MIPOL1: variants seen among roughly 807,000 people sequenced by gnomAD.
MIPOL1 encodes the protein mirror-image polydactyly gene 1 protein.
In MIPOL1, 57 loss-of-function variants were observed where a neutral mutation model predicts 60.9. The ratio of observed to expected loss-of-function variants is 0.94; its 90% confidence interval spans 0.76 to 1.17. MIPOL1 has a LOEUF of 1.17. MIPOL1 is among the 50% of genes most tolerant of loss of function. The probability of loss-of-function intolerance (pLI) is 0.00; values close to 1 mark genes in which losing one functional copy is unlikely to be tolerated. For missense variants in MIPOL1, 551 were observed against 511.6 expected (o/e 1.08, Z -0.74); for synonymous variants, 179 against 168.8 (o/e 1.06, Z -0.47).
At chr14:37,515,047 C>T (rs1387491685) in intron 12 of MIPOL1, among the ~76,000 whole-genome samples, 3 of 152,058 alleles carry the variant, frequency 2.0e-5, no homozygotes, top group East Asian at 1.9e-4. Context: ...CATATTTGCC[C>T]ATTGGTAAAT....
chr14:37,532,205 G>T (rs1005622621), intron 12 of MIPOL1, among the ~76,000 whole-genome samples: 2 of 152,120 alleles, frequency 1.3e-5, no homozygotes, highest in African/African-American at 4.8e-5. Flanking sequence ...CACATGAAAA[G>T]TCCATCTCTG....
chr14:37,296,966 T>C (rs1476704699), intron 7 of MIPOL1, among the ~76,000 whole-genome samples: 1 of 152,142 alleles, frequency 6.6e-6, no homozygotes, highest in African/African-American at 2.4e-5. Context: ...GAGGCCAGCA[T>C]CATTCTGATA....
chr14:37,466,905 C>A (rs1012624051), intron 11 of MIPOL1, among the ~76,000 whole-genome samples: 2 of 152,164 alleles, frequency 1.3e-5, no homozygotes, highest in Admixed American at 1.3e-4. Flanking sequence ...CGCTTTCTCC[C>A]CAGTGATTGC....
At chr14:37,476,109 T>A (rs1368534673) in intron 11 of MIPOL1, among the ~76,000 whole-genome samples, 1 of 152,196 alleles carries the variant, frequency 6.6e-6, no homozygotes, top group Non-Finnish European at 1.5e-5. Flanking sequence ...CTCATATAGA[T>A]CTTGTAAATA....
intron 1 of MIPOL1, among the ~76,000 whole-genome samples, chr14:37,209,123 A>C (rs1188642371): frequency 1.3e-5 from 2 of 152,178 alleles, no homozygotes; most frequent in African/African-American, 4.8e-5. Context: ...CTAGGAACTA[A>C]TCCAGAGCTG....
chr14:37,369,635 G>T lies in MIPOL1; in HGVS notation c.936+11G>T, dbSNP rs749417995. 1 of 1,603,156 alleles carries T rather than the reference G, an allele frequency of 6.2e-7. No homozygotes were observed. The highest frequency in any genetic ancestry group is 1.7e-5 in the Admixed American group (1 of 59,730). The stretch of plus-strand genomic sequence containing the variant: ...GAACGTGCTCTGAAGGTAAATCTCC[G>T]TTCCTTCTTGCAGGCAAATTAAGGT... On this transcript the variant is annotated intron_variant, in intron 10 of 12. Coordinates refer to ENST00000684589, the MANE Select transcript of MIPOL1 (RefSeq NM_001388067.1).
At chr14:37,436,540 CA>C (rs2094166272) in intron 11 of MIPOL1, among the ~76,000 whole-genome samples, 1 of 152,102 alleles carries the variant, frequency 6.6e-6, no homozygotes, top group Non-Finnish European at 1.5e-5. Flanking sequence ...TCATTAATTG[CA>C]AAAACAATAA....
At chr14:37,246,018 A>G (rs1454335970) in intron 1 of MIPOL1, among the ~76,000 whole-genome samples, 2 of 152,160 alleles carry the variant, frequency 1.3e-5, no homozygotes, top group African/African-American at 2.4e-5. Context: ...AAATATGCCT[A>G]TAATGACAGT....
chr14:37,330,860 A>C (rs2089619122), intron 9 of MIPOL1, among the ~76,000 whole-genome samples: 1 of 152,086 alleles, frequency 6.6e-6, no homozygotes, highest in Non-Finnish European at 1.5e-5. Context: ...TAAACAGACA[A>C]GTGATAAATT....
At chr14:37,443,289 T>C (rs547122975) in intron 11 of MIPOL1, among the ~76,000 whole-genome samples, 38 of 151,870 alleles carry the variant, frequency 2.5e-4, no homozygotes, top group African/African-American at 8.2e-4. Flanking sequence ...TGAGACCCTA[T>C]CTCTACTAAA....
chr14:37,208,976 G>A (rs1183305989), intron 1 of MIPOL1, among the ~76,000 whole-genome samples: 4 of 152,120 alleles, frequency 2.6e-5, no homozygotes, highest in Non-Finnish European at 4.4e-5. Flanking sequence ...GTTTCACTGA[G>A]TAATTCACTA....
intron 12 of MIPOL1, among the ~76,000 whole-genome samples, chr14:37,539,417 G>T (rs2095520892): frequency 6.6e-6 from 1 of 152,140 alleles, no homozygotes; most frequent in African/African-American, 2.4e-5. Context: ...CCAACGCTCA[G>T]TCTAAGCCCA....
intron 1 of MIPOL1, among the ~76,000 whole-genome samples, chr14:37,213,028 C>T (rs1966960045): frequency 1.3e-5 from 2 of 152,276 alleles, no homozygotes; most frequent in South Asian, 4.1e-4. Flanking sequence ...TTGGGGTTCC[C>T]TCTAAAGCAG....
intron 6 of MIPOL1, among the ~76,000 whole-genome samples, chr14:37,284,322 A>G (rs2084369699): frequency 1.3e-5 from 2 of 151,616 alleles, no homozygotes; most frequent in South Asian, 2.1e-4. Context: ...TTCCATGATC[A>G]TTGTATTATT....
intron 6 of MIPOL1, among the ~76,000 whole-genome samples, chr14:37,271,843 A>G (rs1477846190): frequency 2.0e-5 from 3 of 151,742 alleles, no homozygotes; most frequent in Non-Finnish European, 4.4e-5. Context: ...AAATAATTTA[A>G]TAAGATTAGG....
chr14:37,451,590 TTCTC>T (rs138232844), intron 11 of MIPOL1, among the ~76,000 whole-genome samples: 8,600 of 151,798 alleles, frequency 0.057, 878 homozygotes, highest in African/African-American at 0.2. Flanking sequence ...ATGGAGCTGA[TTCTC>T]TCTCATCATA....
chr14:37,234,942 A>ATTTTTTT (rs5807941), intron 1 of MIPOL1, among the ~76,000 whole-genome samples: 31 of 116,814 alleles, frequency 2.7e-4, no homozygotes, highest in Non-Finnish European at 3.6e-4. Flanking sequence ...CGTACGGCTA[A>ATTTTTTT]TTTTTTTTTT....
At chr14:37,261,233 T>A (rs2067266371) in intron 3 of MIPOL1, among the ~76,000 whole-genome samples, 2 of 151,664 alleles carry the variant, frequency 1.3e-5, no homozygotes, top group Admixed American at 1.3e-4. Context: ...TTTAGAAGAA[T>A]TACATACAAT....
chr14:37,525,353 A>G (rs1285708787), intron 12 of MIPOL1, among the ~76,000 whole-genome samples: 4 of 152,214 alleles, frequency 2.6e-5, no homozygotes, highest in African/African-American at 9.6e-5. Flanking sequence ...GGGTGAATCA[A>G]GGAAGGTTTT....
Sources: gnomAD v4.1 joint callset for allele counts (sites outside exome capture counted in the v4.1 genomes callset) on GRCh38, gnomAD v4.1.1 for gene constraint, MANE v1.5 for transcripts, NCBI Gene and HGNC (gene_info 2026-07-23, HGNC 2026-07-21) for gene names.